PPP6R3: variants seen among roughly 807,000 people sequenced by gnomAD.
The protein encoded by PPP6R3 is serine/threonine-protein phosphatase 6 regulatory subunit 3.
Under a neutral mutation model 110.7 loss-of-function variants are expected in PPP6R3, and 38 were observed. The ratio of observed to expected loss-of-function variants is 0.34; its 90% CI spans 0.26 to 0.45. PPP6R3 has a LOEUF of 0.45. PPP6R3 is among the 20% of genes least tolerant of loss of function. PPP6R3 has a pLI of 1.00. For missense variants in PPP6R3, 870 were observed against 1,062.4 expected (o/e 0.82, Z 2.52); for synonymous variants, 369 against 373.5 (o/e 0.99, Z 0.14).
At chr11:68,546,221 T>C (rs2099348431) in intron 4 of PPP6R3, among the ~76,000 whole-genome samples, 1 of 152,260 alleles carries the variant, frequency 6.6e-6, no homozygotes, top group South Asian at 2.1e-4. Context: ...GTCTCTTTTT[T>C]TCTGCCTTCT....
intron 23 of PPP6R3, 29 bp from the exon 24 acceptor site, chr11:68,613,037 G>C (rs370627196): frequency 1.9e-6 from 3 of 1,614,084 alleles, no homozygotes; most frequent in Admixed American, 3.3e-5. Flanking sequence ...TGCTGCAAGT[G>C]CCTCCGATGC....
At chr11:68,494,408 CAAAAAAAAAAAA>C (rs35190764) in intron 1 of PPP6R3, among the ~76,000 whole-genome samples, 20 of 60,396 alleles carry the variant, frequency 3.3e-4, no homozygotes, top group Non-Finnish European at 5.2e-4. Flanking sequence ...CCTGTAATCT[CAAAAAAAAAAAA>C]AAAAAAAAAA....
At chr11:68,505,027 G>C (rs945084710) in intron 1 of PPP6R3, 8 of 152,006 alleles carry the variant, frequency 5.3e-5, no homozygotes, top group Non-Finnish European at 1.0e-4. Context: ...TTATTTCTTT[G>C]AGTATCTTGG....
At chr11:68,571,943 T>C (rs1175755423) in intron 12 of PPP6R3, among the ~76,000 whole-genome samples, 1 of 152,164 alleles carries the variant, frequency 6.6e-6, no homozygotes, top group Non-Finnish European at 1.5e-5. Context: ...CCAGCATTCT[T>C]GTTATGTGTC....
chr11:68,543,059 C>T (rs1166504461), intron 3 of PPP6R3, among the ~76,000 whole-genome samples: 1 of 152,180 alleles, frequency 6.6e-6, no homozygotes, highest in Non-Finnish European at 1.5e-5. Flanking sequence ...AAACAGCTGT[C>T]ATTTATTAAA....
chr11:68,473,408 AC>A (rs769716398), intron 1 of PPP6R3, among the ~76,000 whole-genome samples: 1 of 152,196 alleles, frequency 6.6e-6, no homozygotes, highest in Non-Finnish European at 1.5e-5. Flanking sequence ...CTCCCCTCTT[AC>A]CTTGCCATGC....
intron 7 of PPP6R3, among the ~76,000 whole-genome samples, chr11:68,557,497 TTTTTC>T (rs1218411148): frequency 1.3e-5 from 2 of 148,920 alleles, no homozygotes; most frequent in African/African-American, 4.9e-5. Context: ...ATTCCATTTC[TTTTTC>T]TTTTCTTTTT....
chr11:68,607,028 A>G (rs1452963368), intron 22 of PPP6R3, among the ~76,000 whole-genome samples: 2 of 152,224 alleles, frequency 1.3e-5, no homozygotes, highest in African/African-American at 4.8e-5. Context: ...TCTTAACCCA[A>G]GTCTCTATAG....
chr11:68,465,910 C>T (rs1316161274), intron 1 of PPP6R3, among the ~76,000 whole-genome samples: 1 of 152,200 alleles, frequency 6.6e-6, no homozygotes, highest in Non-Finnish European at 1.5e-5. Flanking sequence ...ATTACTTCGA[C>T]TTGCCTCCTT....
chr11:68,532,375 A>G (rs540190262), intron 2 of PPP6R3, among the ~76,000 whole-genome samples: 1 of 152,336 alleles, frequency 6.6e-6, no homozygotes, highest in South Asian at 2.1e-4. Context: ...TCAAGTAACA[A>G]ATGACTCCCC....
intron 3 of PPP6R3, among the ~76,000 whole-genome samples, chr11:68,544,091 A>G (rs1204623945): frequency 6.6e-6 from 1 of 152,088 alleles, no homozygotes; most frequent in Non-Finnish European, 1.5e-5. Context: ...TGTGGAGAGC[A>G]CTAGTTTTGT....
intron 1 of PPP6R3, among the ~76,000 whole-genome samples, chr11:68,511,463 A>AGT (rs111457206): frequency 0.072 from 9,974 of 138,464 alleles, 439 homozygotes; most frequent in African/African-American, 0.14. Context: ...ACTGTGTTAG[A>AGT]GTGTGTGTGT....
intron 9 of PPP6R3, among the ~76,000 whole-genome samples, chr11:68,565,843 A>AAAAAACTTC (rs1229817354): frequency 1.3e-5 from 2 of 152,260 alleles, no homozygotes; most frequent in East Asian, 3.9e-4. Context: ...TAGATCCATG[A>AAAAAACTTC]AGTTTTTTAC....
At chr11:68,596,280 G>T in intron 19 of PPP6R3, 62 bp downstream of exon 19, 2 of 1,603,184 alleles carry the variant, frequency 1.2e-6, no homozygotes, top group South Asian at 1.1e-5. Flanking sequence ...GTGAACAATT[G>T]GCAAAGGAGC....
intron 2 of PPP6R3, among the ~76,000 whole-genome samples, chr11:68,531,720 T>G (rs2099241720): frequency 6.6e-6 from 1 of 152,170 alleles, no homozygotes; most frequent in African/African-American, 2.4e-5. Flanking sequence ...TGCCTGAGTG[T>G]GTGTATGTTG....
Position 68,591,670 on chromosome 11 carries a change from A to C in PPP6R3, c.1880A>C (p.His627Pro). Reference protein sequence around the residue: ...SDEEDIWEEKHIAFTPESQRR... With the variant: ...SDEEDIWEEKPIAFTPESQRR... ...GAGGAAGATATATGGGAGGAAAAGC[A>C]CATCGCATTCACACCAGAATCCCAA... Residue 627 changes from histidine (H) to proline (P), a missense_variant, in exon 18 of 24, where the codon CAC becomes CCC. His to Pro is a moderately conservative substitution (Grantham distance 77). Transcript: ENST00000393800. The C allele has an allele frequency of 1.2e-6, 2 of 1,613,488 alleles. No homozygotes were observed. The highest frequency in any genetic ancestry group is 1.7e-6 in the Non-Finnish European group (2 of 1,179,740).
intron 18 of PPP6R3, among the ~76,000 whole-genome samples, chr11:68,594,169 A>T (rs965650593): frequency 6.6e-6 from 1 of 152,196 alleles, no homozygotes; most frequent in African/African-American, 2.4e-5. Flanking sequence ...TAAAGGGGTC[A>T]ATTCATTAAG....
At chr11:68,611,257 A>C (rs1388825665) in intron 23 of PPP6R3, among the ~76,000 whole-genome samples, 2 of 152,060 alleles carry the variant, frequency 1.3e-5, no homozygotes, top group Non-Finnish European at 2.9e-5. Context: ...CTACCTATAA[A>C]TTTCCTTTAT....
Position 68,477,739 on chromosome 11 carries a change from AAAATAT to A in PPP6R3, c.-158+16914_-158+16919del, listed in dbSNP as rs1439860283. 8.2e-3 allele frequency among the ~76,000 whole-genome samples: 657 copies of A among 80,350 alleles called. 3 individuals are homozygous for A. The highest frequency in any genetic ancestry group is 0.012 in the African/African-American group (225 of 19,286). 52.7% of individuals were successfully genotyped at this position (80,350 alleles called of 152,430 possible). A position where few individuals can be genotyped will look rare whatever the true frequency, so the allele number is the denominator to read the frequency against. ...GAGACATTGTCTCTTAAAAAAAAAA[AAAATAT>A]ATATATATATATATATATATATATA... On this transcript the variant is annotated intron_variant, in intron 1 of 23. Transcript: ENST00000393800.
Sources: allele counts gnomAD v4.1 joint callset (sites outside exome capture counted in the v4.1 genomes callset), GRCh38; gene constraint gnomAD v4.1.1; transcripts MANE v1.5; gene names NCBI Gene and HGNC (gene_info 2026-07-23, HGNC 2026-07-21).